Variants in CST5 observed in about 807,000 individuals in gnomAD.
CST5 encodes the protein cystatin-D.
Under a neutral mutation model 11.5 loss-of-function variants are expected in CST5, and 13 were observed. The ratio of observed to expected loss-of-function variants is 1.13; its 90% CI spans 0.73 to 1.79. The LOEUF (loss-of-function observed/expected upper bound fraction) is 1.79. Among genes scored for constraint, CST5 ranks in the 40% most tolerant of loss-of-function variants. CST5 has a pLI of 0.00. For synonymous variants in CST5, 81 were observed against 67.6 expected (o/e 1.20, Z -0.97); for missense variants, 219 against 174.5 (o/e 1.25, Z -1.44).
intron 1 of CST5, among the ~76,000 whole-genome samples, chr20:23,878,075 T>A (rs532634370): frequency 6.6e-6 from 1 of 152,292 alleles, no homozygotes; most frequent in East Asian, 1.9e-4. Context: ...GCAGGGACAC[T>A]GGTCCCATCC....
rs767894877 is a variant in CST5, at chr20:23,877,566, C to T, written c.284G>A (p.Cys95Tyr). 2 of 1,614,164 alleles carry T rather than the reference C, an allele frequency of 1.2e-6. No individual in the cohort carries two copies. Among genetic ancestry groups the T allele is most frequent in the Non-Finnish European group, 1.7e-6 (2 of 1,180,014 alleles). ...YFNVKFGRTT[C>Y]TKSQPNLDNC... ...GTCCAAGTTGGGCTGGGACTTGGTGCATGTGGTTCGACCGAACTTCACATT... is the reference window on the plus strand; with the variant it reads ...GTCCAAGTTGGGCTGGGACTTGGTGTATGTGGTTCGACCGAACTTCACATT... The change falls in exon 2 of 3, where the codon TGC becomes TAC. Residue 95 changes from cysteine to tyrosine, a missense_variant. Coordinates refer to ENST00000304710, the MANE Select transcript of CST5 (RefSeq NM_001900.5).
chr20:23,877,556 G>C lies in CST5; in HGVS notation c.294C>G (p.Ser98=), dbSNP rs1242172825. 6 of 1,613,962 alleles carry C rather than the reference G, an allele frequency of 3.7e-6. No homozygotes were observed. Among genetic ancestry groups the C allele is most frequent in the Middle Eastern group, 1.6e-4 (1 of 6,084 alleles). The change falls in exon 2 of 3, where the codon TCC becomes TCG. Residue 98 remains serine (S), a synonymous_variant. Coordinates refer to ENST00000304710, the MANE Select transcript of CST5 (RefSeq NM_001900.5). ...AGGGACAGTTGTCCAAGTTGGGCTG[G>C]GACTTGGTGCATGTGGTTCGACCGA... ...VKFGRTTCTK[S]QPNLDNCPFN... is the part of the protein sequence containing the mutation.
At chr20:23,878,949 C>G (rs926127409) in intron 1 of CST5, among the ~76,000 whole-genome samples, 1 of 152,232 alleles carries the variant, frequency 6.6e-6, no homozygotes, top group African/African-American at 2.4e-5. Context: ...AGGAACTCAG[C>G]TGTCCTGGGC....
Position 23,879,567 on chromosome 20 carries a change from G to A in CST5, c.110C>T (p.Thr37Ile). 2.5e-6 allele frequency: 4 copies of A among 1,614,122 alleles called. No individual in the cohort carries two copies. Among genetic ancestry groups the A allele is most frequent in the Non-Finnish European group, 3.4e-6 (4 of 1,180,004 alleles). ...CTGCACACTCTTGTCATTGAGGTCT[G>A]TGGCATGGATGCCACCTGCCAAGGT... ...SRTLAGGIHA[T>I]DLNDKSVQCA... Residue 37 changes from threonine (T) to isoleucine (I), a missense_variant, in exon 1 of 3, where the codon ACA becomes ATA. By Grantham distance (89) the Thr-to-Ile change is moderately conservative. Transcript: ENST00000304710.
At chr20:23,879,368 T>C (rs1327117576) in intron 1 of CST5, 78 bp downstream of exon 1, 6 of 1,037,340 alleles carry the variant, frequency 5.8e-6, no homozygotes, top group Non-Finnish European at 8.9e-6. Flanking sequence ...ATAATGTTGA[T>C]TTGCTGGGAG....
In CST5 at chr20:23,875,957, G is replaced by A. The variant is rs964710828; in HGVS notation, c.*231C>T. 39 of 385,994 alleles carry A rather than the reference G, an allele frequency of 1.0e-4. No homozygotes were observed. The highest frequency in any genetic ancestry group is 7.2e-4 in the African/African-American group (35 of 48,868). 23.9% of individuals were successfully genotyped at this position (385,994 alleles called of 1,614,324 possible). On this transcript the variant is annotated 3_prime_UTR_variant, in exon 3 of 3. Transcript: ENST00000304710. ...GAGGCAATGCTACTGTTTAATTGCA[G>A]GAGGTGGGAGAGTGTGCACTGCACA... is the stretch of plus-strand genomic sequence containing the variant.
Position 23,876,046 on chromosome 20 carries a change from C to T in CST5, c.*142G>A, listed in dbSNP as rs909825220. The T allele has an allele frequency of 3.2e-6, 2 of 625,602 alleles. No homozygotes were observed. The highest frequency in any genetic ancestry group is 3.6e-5 in the African/African-American group (2 of 54,940). 38.8% of individuals were successfully genotyped at this position (625,602 alleles called of 1,614,324 possible). A position where few individuals can be genotyped will look rare whatever the true frequency, so the allele number is the denominator to read the frequency against. On this transcript the variant is annotated 3_prime_UTR_variant, in exon 3 of 3. Coordinates refer to ENST00000304710, the MANE Select transcript of CST5 (RefSeq NM_001900.5). ...GAGCCTCCTGCTGAGCAACAAAGGC[C>T]TCCTGCCACCTTCTGTGTCTGTCTC... is the stretch of plus-strand genomic sequence containing the variant.
chr20:23,879,022 G>A (rs1467288144), intron 1 of CST5, among the ~76,000 whole-genome samples: 1 of 152,198 alleles, frequency 6.6e-6, no homozygotes, highest in East Asian at 1.9e-4. Context: ...TGTGCCCAGG[G>A]GCGTGACTTG....
chr20:23,876,362 T>A, intron 2 of CST5, 91 bp from the exon 3 acceptor site: 1 of 1,035,784 alleles, frequency 9.7e-7, no homozygotes, highest in Non-Finnish European at 1.5e-6. Flanking sequence ...GGGGTGAAAA[T>A]GGTTGGAGAT....
At chr20:23,877,424 C>T (rs377442537) in intron 2 of CST5, 81 bp downstream of exon 2, 50 of 1,064,022 alleles carry the variant, frequency 4.7e-5, no homozygotes, top group African/African-American at 1.9e-4. Flanking sequence ...AGTACAGATG[C>T]GTGCACACAC....
chr20:23,875,980 A>G lies in CST5; in HGVS notation c.*208T>C. 4.0e-6 allele frequency: 2 copies of G among 505,158 alleles called. No individual in the cohort carries two copies. The highest frequency in any genetic ancestry group is 5.1e-4 in the Middle Eastern group (1 of 1,980). The allele number at this position is 505,158 out of a possible 1,614,324, so 31.3% of individuals were successfully genotyped here. A position where few individuals can be genotyped will look rare whatever the true frequency, so the allele number is the denominator to read the frequency against. On this transcript the variant is annotated 3_prime_UTR_variant, in exon 3 of 3. Coordinates refer to ENST00000304710, the MANE Select transcript of CST5 (RefSeq NM_001900.5). The stretch of plus-strand genomic sequence containing the variant: ...CAGGAGGTGGGAGAGTGTGCACTGC[A>G]CACTGGGGCTATGAGAAGCAAGAAG...
intron 1 of CST5, among the ~76,000 whole-genome samples, chr20:23,879,117 G>A (rs1986026780): frequency 6.6e-6 from 1 of 152,278 alleles, no homozygotes; most frequent in Non-Finnish European, 1.5e-5. Flanking sequence ...GATGAACCTC[G>A]TGGCCTGGAT....
intron 1 of CST5, among the ~76,000 whole-genome samples, chr20:23,878,387 G>A (rs1421976731): frequency 6.6e-6 from 1 of 152,182 alleles, no homozygotes; most frequent in African/African-American, 2.4e-5. Context: ...CCCAAAACAT[G>A]ACTTGTCAGA....
At chr20:23,876,841 G>T (rs1236036717) in intron 2 of CST5, among the ~76,000 whole-genome samples, 2 of 152,268 alleles carry the variant, frequency 1.3e-5, no homozygotes, top group African/African-American at 4.8e-5. Flanking sequence ...CTTCTAATGT[G>T]CTCAGAGTGG....
At chr20:23,877,303 CAT>C (rs908721035) in intron 2 of CST5, among the ~76,000 whole-genome samples, 200 bp downstream of exon 2, 4 of 152,224 alleles carry the variant, frequency 2.6e-5, no homozygotes, top group African/African-American at 9.6e-5. Flanking sequence ...CACATCTGCA[CAT>C]GTGTGCCAAA....
Position 23,879,443 on chromosome 20 carries a change from C to T in CST5, c.231+3G>A, listed in dbSNP as rs374488083. 6 of 1,612,978 alleles carry T rather than the reference C, an allele frequency of 3.7e-6. No individual in the cohort carries two copies. The highest frequency in any genetic ancestry group is 2.2e-5 in the East Asian group (1 of 44,858). On this transcript the variant is annotated splice_donor_region_variant and intron_variant, in intron 1 of 2. Coordinates refer to ENST00000304710, the MANE Select transcript of CST5 (RefSeq NM_001900.5). ...GGACCCCCAGGGTGGTGGTAGCACG[C>T]ACCTGCTGGTAGGCAGCCATCACCT...
chr20:23,876,268 C>A lies in CST5; in HGVS notation c.349G>T (p.Glu117Ter), dbSNP rs779763862. 1.9e-6 allele frequency: 3 copies of A among 1,611,562 alleles called. No individual in the cohort carries two copies. Among genetic ancestry groups the A allele is most frequent in the Non-Finnish European group, 2.5e-6 (3 of 1,177,798 alleles). ...FNDQPKLKEE[E>*]FCSFQINEVP... ...TCATTGATCTGGAAAGAGCAGAACT[C>A]TTCCTGTGAAAAGAAAGAGATGGAG... The change falls in exon 3 of 3, where the codon GAG becomes TAG. Residue 117 changes from glutamate to a stop codon, truncating the protein, a stop_gained. Coordinates refer to ENST00000304710, the MANE Select transcript of CST5 (RefSeq NM_001900.5). LOFTEE classifies it low-confidence loss of function (END_TRUNC).
Position 23,876,064 on chromosome 20 carries a change from T to G in CST5, c.*124A>C. The G allele has an allele frequency of 1.5e-6, 1 of 683,804 alleles. No homozygotes were observed. The highest frequency in any genetic ancestry group is 2.0e-5 in the South Asian group (1 of 49,124). 42.4% of individuals were successfully genotyped at this position (683,804 alleles called of 1,614,324 possible). The stretch of plus-strand genomic sequence containing the variant: ...CAAAGGCCTCCTGCCACCTTCTGTG[T>G]CTGTCTCCTGGTGCAGGCGCATGAG... On this transcript the variant is annotated 3_prime_UTR_variant, in exon 3 of 3. Transcript: ENST00000304710.
In CST5 at chr20:23,877,451, A is replaced by T. The variant is rs1283890918; in HGVS notation, c.345+54T>A. The T allele has an allele frequency of 5.0e-5, 68 of 1,347,360 alleles. No homozygotes were observed. The Admixed American group carries it at 1.1e-3, about 21-fold the overall frequency. The allele number at this position is 1,347,360 out of a possible 1,614,324, so 83.5% of individuals were successfully genotyped here. ...TGCACACACACATACACACACACAC[A>T]TGCACACACTGCTCTGCGGTACTTG... On this transcript the variant is annotated intron_variant, in intron 2 of 2. Transcript: ENST00000304710.
Sources: allele counts gnomAD v4.1 joint callset (sites outside exome capture counted in the v4.1 genomes callset), GRCh38; gene constraint gnomAD v4.1.1; transcripts MANE v1.5; gene names NCBI Gene and HGNC (gene_info 2026-07-23, HGNC 2026-07-21).